The following FAM47E variants were observed in gnomAD, a reference collection of about 807,000 sequenced individuals.
FAM47E encodes family with sequence similarity 47 member E.
In FAM47E, 32 loss-of-function variants were observed where a neutral mutation model predicts 41.6. That is an observed-to-expected ratio of 0.77 (90% CI 0.58 to 1.03). The LOEUF is 1.03. Ranked by LOEUF, FAM47E falls within the 50% of genes least tolerant of loss-of-function variation. The pLI is 0.00. For missense variants in FAM47E, 424 were observed against 485.4 expected (o/e 0.87, Z 1.19); for synonymous variants, 184 against 188.7 (o/e 0.98, Z 0.20).
At chr4:76,215,615 T>C (rs1011795670) in intron 1 of FAM47E, among the ~76,000 whole-genome samples, 5 of 152,224 alleles carry the variant, frequency 3.3e-5, no homozygotes, top group Non-Finnish European at 7.3e-5. Flanking sequence ...GAAATGACCA[T>C]ATCCTGGAAC....
chr4:76,223,821 A>G (rs866466935), intron 2 of FAM47E, among the ~76,000 whole-genome samples: 23 of 151,882 alleles, frequency 1.5e-4, no homozygotes, highest in African/African-American at 5.6e-4. Context: ...CACTAAAAGG[A>G]GAGTGTCCCT....
At chr4:76,216,697 CTA>C (rs1354480540) in intron 1 of FAM47E, among the ~76,000 whole-genome samples, 1 of 152,202 alleles carries the variant, frequency 6.6e-6, no homozygotes, top group Non-Finnish European at 1.5e-5. Flanking sequence ...TCTGTTTCCA[CTA>C]TGTCAGGCGG....
upstream of FAM47E, chr4:76,251,670 G>A (rs1733966619): frequency 1.5e-6 from 2 of 1,372,746 alleles, no homozygotes; most frequent in Non-Finnish European, 1.9e-6. Context: ...GTGGTTGTGC[G>A]GTGTCCTAGC....
At chr4:76,280,071 G>A (rs371814859) in intron 6 of FAM47E, 193 bp from the exon 7 acceptor site, 17 of 447,330 alleles carry the variant, frequency 3.8e-5, no homozygotes, top group South Asian at 3.3e-4. Context: ...GCTAGGGGAA[G>A]GAGAGAAAGC....
chr4:76,266,843 A>G (rs755070098), intron 3 of FAM47E, among the ~76,000 whole-genome samples: 3 of 152,178 alleles, frequency 2.0e-5, no homozygotes, highest in African/African-American at 4.8e-5. Flanking sequence ...TTCTTTGGAC[A>G]TGCTCAGCAC....
At chr4:76,226,062 G>A (rs1420364549) in intron 2 of FAM47E, among the ~76,000 whole-genome samples, 1 of 152,064 alleles carries the variant, frequency 6.6e-6, no homozygotes, top group Non-Finnish European at 1.5e-5. Context: ...TGTTTGTTGG[G>A]GTGATCAGAC....
At chr4:76,260,027 A>T (rs1223264941) in intron 2 of FAM47E, among the ~76,000 whole-genome samples, 1 of 152,196 alleles carries the variant, frequency 6.6e-6, no homozygotes, top group Non-Finnish European at 1.5e-5. Flanking sequence ...GACCTCCACA[A>T]GGGGAACTAC....
intron 2 of FAM47E, among the ~76,000 whole-genome samples, chr4:76,227,814 TA>T (rs753024400): frequency 6.6e-6 from 1 of 152,260 alleles, no homozygotes; most frequent in Non-Finnish European, 1.5e-5. Context: ...GTTGTTGCTT[TA>T]AAGTCTGTTT....
chr4:76,283,586 A>T lies in FAM47E; in HGVS notation c.*128A>T. On this transcript the variant is annotated 3_prime_UTR_variant, in exon 8 of 8. Transcript: ENST00000424749. The stretch of plus-strand genomic sequence containing the variant: ...TGTGGATGTTCAACTTTGACTTGGC[A>T]ACATCTGTAAATGTAATACCTGATG... 1 of 612,098 alleles carries T rather than the reference A, an allele frequency of 1.6e-6. No individual in the cohort carries two copies. The highest frequency in any genetic ancestry group is 2.9e-6 in the Non-Finnish European group (1 of 341,956). The allele number at this position is 612,098 out of a possible 1,614,324, so 37.9% of individuals were successfully genotyped here.
Position 76,256,389 on chromosome 4 carries a change from A to G in FAM47E, c.286A>G (p.Lys96Glu). 1 of 1,552,144 alleles carries G rather than the reference A, an allele frequency of 6.4e-7. No homozygotes were observed. Among genetic ancestry groups the G allele is most frequent in the African/African-American group, 1.4e-5 (1 of 73,136 alleles). ...AAAGAAGAGGCAGATCAAGCTGCTC[A>G]AGGAAGCAGACGTGCTTTCCAAGCT... Reference protein sequence around the residue: ...APKKRQIKLLKEADVLSKLSP... With the variant: ...APKKRQIKLLEEADVLSKLSP... The change falls in exon 2 of 8, where the codon AAG becomes GAG. Residue 96 changes from lysine to glutamate, a missense_variant. Lys to Glu is a moderately conservative substitution (Grantham distance 56, BLOSUM62 1). Coordinates refer to ENST00000424749, the MANE Select transcript of FAM47E (RefSeq NM_001136570.3).
chr4:76,235,200 C>T (rs1037090636), intron 2 of FAM47E, among the ~76,000 whole-genome samples: 1 of 152,068 alleles, frequency 6.6e-6, no homozygotes, highest in African/African-American at 2.4e-5. Context: ...CTTCTGTAGT[C>T]CCAGGTACTC....
At position 76,272,782 on chromosome 4, in the gene FAM47E, T is replaced by G. The variant is rs146361897; in HGVS notation, c.870+1014T>G. 8.3e-4 allele frequency among the ~76,000 whole-genome samples: 126 copies of G among 152,292 alleles called. 2 individuals are homozygous for G. In the East Asian group the frequency reaches 0.021, roughly 26 times the overall value. On this transcript the variant is annotated intron_variant, in intron 5 of 7. Transcript: ENST00000424749. ...TTGCTCAATTCCCTGTATTTAGAAA[T>G]AGTTATGCAAACACTACTTTATAAA...
chr4:76,245,850 C>T (rs866728542), intron 2 of FAM47E, among the ~76,000 whole-genome samples: 2 of 152,092 alleles, frequency 1.3e-5, no homozygotes, highest in African/African-American at 4.8e-5. Flanking sequence ...GCAGCCTGAC[C>T]GAACTAAAGG....
intron 2 of FAM47E, among the ~76,000 whole-genome samples, chr4:76,257,462 G>T (rs1734238791): frequency 6.6e-6 from 1 of 152,150 alleles, no homozygotes. Context: ...GAGCCTTCCA[G>T]TGTCCCCTTC....
chr4:76,222,925 G>T (rs1179530560), intron 2 of FAM47E, among the ~76,000 whole-genome samples: 1 of 152,256 alleles, frequency 6.6e-6, no homozygotes, highest in East Asian at 1.9e-4. Flanking sequence ...AGGCAGGGGG[G>T]GAAGAGGCCC....
chr4:76,240,174 A>G (rs182657977), intron 2 of FAM47E, among the ~76,000 whole-genome samples: 212 of 152,334 alleles, frequency 1.4e-3, no homozygotes, highest in African/African-American at 4.8e-3. Context: ...TTTGCTGGAT[A>G]TAGGATTCTT....
At chr4:76,259,734 A>ATGG (rs1039165481) in intron 2 of FAM47E, among the ~76,000 whole-genome samples, 14 of 152,216 alleles carry the variant, frequency 9.2e-5, no homozygotes, top group African/African-American at 3.1e-4. Flanking sequence ...ATTCAGATGA[A>ATGG]TGGATTGGTC....
chr4:76,247,732 T>C (rs1184670128), upstream of FAM47E, among the ~76,000 whole-genome samples: 1 of 152,126 alleles, frequency 6.6e-6, no homozygotes, highest in South Asian at 2.1e-4. Flanking sequence ...TTTTTGGCCA[T>C]TTGTATATCT....
At chr4:76,280,450 A>G in intron 7 of FAM47E, 109 bp downstream of exon 7, 1 of 575,594 alleles carries the variant, frequency 1.7e-6, no homozygotes, top group Non-Finnish European at 3.1e-6. Flanking sequence ...TCTTACAGGC[A>G]CATACCAAGA....
Sources: gnomAD v4.1 joint callset for allele counts (sites outside exome capture counted in the v4.1 genomes callset) on GRCh38, gnomAD v4.1.1 for gene constraint, MANE v1.5 for transcripts, NCBI Gene and HGNC (gene_info 2026-07-23, HGNC 2026-07-21) for gene names.